Variants in HACD1 observed in about 807,000 individuals in gnomAD.
HACD1 encodes the protein very-long-chain (3R)-3-hydroxyacyl-CoA dehydratase 1.
A neutral mutation model predicts 32.0 loss-of-function variants in HACD1; 41 were observed. The observed-to-expected ratio is 1.28, with a 90% CI of 1.00 to 1.66. HACD1 has a LOEUF of 1.66. Ranked by LOEUF, HACD1 falls within the 40% of genes most tolerant of loss-of-function variation. HACD1 has a pLI of 0.00. For missense variants in HACD1, 396 were observed against 380.1 expected, an observed-to-expected ratio of 1.04 and a Z score of -0.35; for synonymous variants, 142 against 139.0, an observed-to-expected ratio of 1.02 and a Z score of -0.15.
chr10:17,606,815 G>A (rs1834155083), intron 1 of HACD1, among the ~76,000 whole-genome samples: 1 of 152,144 alleles, frequency 6.6e-6, no homozygotes, highest in Non-Finnish European at 1.5e-5. Flanking sequence ...AATAATAAGT[G>A]TATTGTCAGA....
intron 1 of HACD1, among the ~76,000 whole-genome samples, chr10:17,611,887 A>C (rs974954111): frequency 6.6e-6 from 1 of 151,968 alleles, no homozygotes; most frequent in African/African-American, 2.4e-5. Context: ...GAATGGCATG[A>C]ACCCGGGAGG....
At chr10:17,613,123 TGTGTGTGTGTGTGTGTGTG>T (rs1431351216) in intron 1 of HACD1, among the ~76,000 whole-genome samples, 9 of 138,902 alleles carry the variant, frequency 6.5e-5, no homozygotes, top group East Asian at 2.5e-4. Flanking sequence ...TGTGTGTGTG[TGTGTGTGTGTGTGTGTGTG>T]TGTGTTTTGT....
intron 1 of HACD1, among the ~76,000 whole-genome samples, chr10:17,615,145 ATTG>A (rs1440745340): frequency 2.6e-5 from 4 of 152,220 alleles, no homozygotes; most frequent in African/African-American, 9.6e-5. Context: ...TGATTGCTGA[ATTG>A]TTGTAAATAC....
chr10:17,604,537 TA>T (rs1834118988), intron 1 of HACD1, among the ~76,000 whole-genome samples: 1 of 151,148 alleles, frequency 6.6e-6, no homozygotes, highest in Non-Finnish European at 1.5e-5. Context: ...ATATTAGCCT[TA>T]AAAAGAAAAA....
intron 1 of HACD1, among the ~76,000 whole-genome samples, chr10:17,606,073 G>C (rs185825858): frequency 1.3e-5 from 2 of 152,060 alleles, no homozygotes; most frequent in Admixed American, 1.3e-4. Context: ...TACTTGGAAG[G>C]CTGAGGTGGG....
intron 6 of HACD1, among the ~76,000 whole-genome samples, chr10:17,592,209 T>C (rs1201334088): frequency 6.6e-6 from 1 of 151,970 alleles, no homozygotes; most frequent in Admixed American, 6.6e-5. Flanking sequence ...CTTGAACTCC[T>C]GACCTCAAGC....
chr10:17,598,550 C>T (rs1207127109), intron 5 of HACD1, among the ~76,000 whole-genome samples: 6 of 152,016 alleles, frequency 3.9e-5, no homozygotes, highest in Non-Finnish European at 7.4e-5. Flanking sequence ...TTGTTCATAC[C>T]TACATCTCAG....
chr10:17,602,479 C>T (rs1554816630), intron 4 of HACD1, among the ~76,000 whole-genome samples: 2 of 152,284 alleles, frequency 1.3e-5, no homozygotes, highest in East Asian at 3.9e-4. Flanking sequence ...TGTCTCCTGT[C>T]ATGCCTCAAT....
chr10:17,594,856 T>TTTG (rs1833975086), intron 5 of HACD1, among the ~76,000 whole-genome samples: 1 of 150,172 alleles, frequency 6.7e-6, no homozygotes, highest in African/African-American at 2.5e-5. Context: ...TGTTTTTTTT[T>TTTG]TTTGTTTTTT....
intron 6 of HACD1, among the ~76,000 whole-genome samples, chr10:17,593,116 G>T (rs11254674): frequency 6.6e-6 from 1 of 152,034 alleles, no homozygotes; most frequent in Non-Finnish European, 1.5e-5. Flanking sequence ...ATTGGAGTGA[G>T]CTGAGATGGC....
chr10:17,606,543 C>T (rs1834151468), intron 1 of HACD1, among the ~76,000 whole-genome samples: 3 of 152,152 alleles, frequency 2.0e-5, no homozygotes, highest in Admixed American at 6.5e-5. Flanking sequence ...AATTATCATG[C>T]AGTTTTAACT....
At chr10:17,611,965 T>C (rs782297669) in intron 1 of HACD1, among the ~76,000 whole-genome samples, 1 of 150,664 alleles carries the variant, frequency 6.6e-6, no homozygotes, top group Non-Finnish European at 1.5e-5. Flanking sequence ...AGACTCTGTC[T>C]TGAAAAAAAA....
In HACD1 at chr10:17,617,151, G is replaced by A. The variant is rs1554818210; in HGVS notation, c.189C>T (p.Gly63=). 1 of 1,505,752 alleles carries A rather than the reference G, an allele frequency of 6.6e-7. No individual in the cohort carries two copies. The allele number at this position is 1,505,752 out of a possible 1,614,324, so 93.3% of individuals were successfully genotyped here. Residue 63 remains glycine (G), a synonymous_variant, in exon 1 of 7, where the codon GGC becomes GGT. Transcript: ENST00000361271. The stretch of plus-strand genomic sequence containing the variant: ...CCAAGACCCCCAGGCGCCTCCGCTC[G>A]CCGGGAGCCTCCCGGTCCTCGCCGG... The part of the protein sequence containing the change: ...SEAGEDREAP[G]ERRRLGVLAT...
intron 1 of HACD1, among the ~76,000 whole-genome samples, chr10:17,613,765 T>C (rs972005490): frequency 2.0e-5 from 3 of 152,172 alleles, no homozygotes; most frequent in African/African-American, 7.2e-5. Context: ...CTGCACCAGG[T>C]AAGGCAGGAG....
intron 1 of HACD1, among the ~76,000 whole-genome samples, chr10:17,614,001 C>T (rs1168274019): frequency 6.6e-6 from 1 of 152,190 alleles, no homozygotes; most frequent in Non-Finnish European, 1.5e-5. Context: ...TCCCTTAGAT[C>T]AGGGTGGAGG....
intron 1 of HACD1, among the ~76,000 whole-genome samples, chr10:17,613,079 C>T (rs1233402220): frequency 2.0e-5 from 3 of 146,916 alleles, no homozygotes; most frequent in Admixed American, 1.4e-4. Context: ...AATACTATTC[C>T]GTTGCTTTGC....
In HACD1 at chr10:17,603,141, G is replaced by A. The variant is rs199856628; in HGVS notation, c.483+419C>T. 73 of 157,564 alleles carry A rather than the reference G, an allele frequency of 4.6e-4. No homozygotes were observed. The East Asian group carries it at 7.0e-3, about 15-fold the overall frequency. The allele number at this position is 157,564 out of a possible 1,614,324, so 9.8% of individuals were successfully genotyped here. On this transcript the variant is annotated intron_variant, in intron 4 of 6. Transcript: ENST00000361271. The stretch of plus-strand genomic sequence containing the variant: ...GACCTCAGGTGATCCACCCGCCTTG[G>A]CCTCCCAAAGTGCTGGGATTACAGG...
At chr10:17,605,365 A>C (rs537727536) in intron 1 of HACD1, among the ~76,000 whole-genome samples, 4 of 151,822 alleles carry the variant, frequency 2.6e-5, no homozygotes, top group Admixed American at 2.6e-4. Flanking sequence ...TCTCTACTAA[A>C]AATACGAAAA....
intron 1 of HACD1, 133 bp downstream of exon 1, chr10:17,616,950 G>T: frequency 9.7e-7 from 1 of 1,032,190 alleles, no homozygotes; most frequent in Non-Finnish European, 1.2e-6. Context: ...TGGCCGCGGC[G>T]ACAGCTCCCT....
Sources: allele counts gnomAD v4.1 joint callset (sites outside exome capture counted in the v4.1 genomes callset), GRCh38; gene constraint gnomAD v4.1.1; transcripts MANE v1.5; gene names NCBI Gene and HGNC (gene_info 2026-07-23, HGNC 2026-07-21).